STK32A: variants seen among roughly 807,000 people sequenced by gnomAD.
The protein encoded by STK32A is serine/threonine kinase 32A.
In STK32A, 41 loss-of-function variants were observed where a neutral mutation model predicts 53.2. That is an observed-to-expected ratio of 0.77 (90% CI 0.60 to 1.00). STK32A has a LOEUF of 1.00. Ranked by LOEUF, STK32A falls within the 50% of genes least tolerant of loss-of-function variation. The pLI is 0.00. For synonymous variants in STK32A, 166 were observed against 162.8 expected, an observed-to-expected ratio of 1.02 and a Z score of -0.15; for missense variants, 458 against 485.8, an observed-to-expected ratio of 0.94 and a Z score of 0.54.
At chr5:147,363,346 T>A (rs1756599213) in intron 8 of STK32A, among the ~76,000 whole-genome samples, 1 of 151,328 alleles carries the variant, frequency 6.6e-6, no homozygotes, top group Non-Finnish European at 1.5e-5. Context: ...GAGCAATCAC[T>A]CTCATGGCTG....
chr5:147,394,302 C>T, the STK32A span, among the ~76,000 whole-genome samples: 1 of 152,146 alleles, frequency 6.6e-6, no homozygotes, highest in Non-Finnish European at 1.5e-5. Context: ...TTCTTATGGC[C>T]CCGAAAACTA....
intron 11 of STK32A, among the ~76,000 whole-genome samples, chr5:147,380,991 C>T (rs1051266617): frequency 5.3e-5 from 8 of 152,150 alleles, no homozygotes; most frequent in South Asian, 2.1e-4. Context: ...TGTATTTACA[C>T]GTACCGAGAG....
chr5:147,286,339 G>T (rs1298671875), intron 4 of STK32A, among the ~76,000 whole-genome samples: 1 of 152,070 alleles, frequency 6.6e-6, no homozygotes, highest in African/African-American at 2.4e-5. Context: ...CTGCTCAGGT[G>T]ATGGGTGCAA....
intron 2 of STK32A, among the ~76,000 whole-genome samples, chr5:147,265,480 G>A (rs1312444400): frequency 1.3e-5 from 2 of 152,156 alleles, no homozygotes; most frequent in Non-Finnish European, 2.9e-5. Flanking sequence ...TTAGAAAGAT[G>A]AGAGAATGGA....
chr5:147,335,942 G>T (rs1755098478), intron 5 of STK32A, among the ~76,000 whole-genome samples: 1 of 152,194 alleles, frequency 6.6e-6, no homozygotes, highest in Admixed American at 6.5e-5. Flanking sequence ...CAATCAAAAT[G>T]ACCATTAGTA....
chr5:147,282,427 G>A (rs929360457), intron 4 of STK32A, among the ~76,000 whole-genome samples: 7 of 151,970 alleles, frequency 4.6e-5, no homozygotes, highest in Admixed American at 4.6e-4. Context: ...TGAATGCAAC[G>A]GTACCTCACA....
chr5:147,258,170 T>TTTTTTTTTTTTTTTTTTTTTGAGAC (rs1554099682), intron 2 of STK32A, among the ~76,000 whole-genome samples: 1 of 147,988 alleles, frequency 6.8e-6, no homozygotes, highest in African/African-American at 2.5e-5. Flanking sequence ...TTATAATTTT[T>TTTTTTTTTTTTTTTTTTTTTGAGAC]GTTAAAGAGC....
At chr5:147,382,544 A>G (rs1035413414) in intron 11 of STK32A, among the ~76,000 whole-genome samples, 4 of 152,070 alleles carry the variant, frequency 2.6e-5, no homozygotes, top group Admixed American at 2.0e-4. Context: ...ATAATGTGAT[A>G]AATCTAGGAA....
rs75239734 is a variant in STK32A at position 147,246,696 on chromosome 5, G to T, written c.52+7010G>T. On this transcript the variant is annotated intron_variant, in intron 2 of 12. Transcript: ENST00000397936. ...GTTTAATGGCAACAAATTTTTACATGTGAAATATTTGTAATGTGATTTATA... is the reference window on the plus strand; with the variant it reads ...GTTTAATGGCAACAAATTTTTACATTTGAAATATTTGTAATGTGATTTATA... Among the ~76,000 whole-genome samples the T allele has an allele frequency of 8.3e-3, 1,258 of 152,206 alleles. 4 individuals carry two copies. The highest frequency in any genetic ancestry group is 0.017 in the Middle Eastern group (5 of 294).
intron 7 of STK32A, among the ~76,000 whole-genome samples, chr5:147,355,278 T>G (rs970299932): frequency 1.3e-5 from 2 of 152,292 alleles, no homozygotes; most frequent in East Asian, 3.9e-4. Flanking sequence ...TTTTTACAAT[T>G]TATTGTCCTC....
Position 147,278,120 on chromosome 5 carries a change from A to G in STK32A, c.53-4A>G. 1.3e-6 allele frequency: 2 copies of G among 1,587,460 alleles called. No individual in the cohort carries two copies. Among genetic ancestry groups the G allele is most frequent in the South Asian group, 1.1e-5 (1 of 87,122 alleles). On this transcript the variant is annotated splice_polypyrimidine_tract_variant and splice_region_variant and intron_variant, in intron 2 of 12. Coordinates refer to ENST00000397936, the MANE Select transcript of STK32A (RefSeq NM_001112724.2). ...TCATGATATTCTTCTTTTTTGTTTT[A>G]CAGTCAACTTTGACCACTTTGAAAT...
intron 5 of STK32A, among the ~76,000 whole-genome samples, chr5:147,332,879 G>A (rs1048200239): frequency 3.9e-5 from 6 of 152,152 alleles, no homozygotes; most frequent in Non-Finnish European, 7.3e-5. Context: ...TTTCAAAAGG[G>A]CTTTGCAATT....
At chr5:147,265,104 TA>T (rs1754746043) in intron 2 of STK32A, among the ~76,000 whole-genome samples, 3 of 147,044 alleles carry the variant, frequency 2.0e-5, no homozygotes, top group Non-Finnish European at 4.5e-5. Context: ...TGTGTATATA[TA>T]TATATCTTAC....
At chr5:147,330,157 A>G (rs1406440207) in intron 5 of STK32A, among the ~76,000 whole-genome samples, 5 of 152,180 alleles carry the variant, frequency 3.3e-5, no homozygotes, top group Non-Finnish European at 7.3e-5. Context: ...CACAGCTGCC[A>G]TTAAGATGTC....
intron 2 of STK32A, among the ~76,000 whole-genome samples, chr5:147,254,065 AT>A (rs1322206292): frequency 1.3e-5 from 2 of 152,190 alleles, no homozygotes; most frequent in Admixed American, 6.5e-5. Flanking sequence ...ACTTTCTCAA[AT>A]CTGTGTCTGT....
intron 2 of STK32A, among the ~76,000 whole-genome samples, chr5:147,240,449 T>C (rs1753525086): frequency 6.6e-6 from 1 of 152,188 alleles, no homozygotes; most frequent in African/African-American, 2.4e-5. Flanking sequence ...GCTCTGCTAA[T>C]TGGAACAGGG....
At chr5:147,252,087 C>T (rs562188580) in intron 2 of STK32A, among the ~76,000 whole-genome samples, 17 of 151,910 alleles carry the variant, frequency 1.1e-4, no homozygotes, top group African/African-American at 2.7e-4. Context: ...ATCAAGGCTA[C>T]GGTGAGCTGT....
the STK32A span, among the ~76,000 whole-genome samples, chr5:147,394,517 G>A: frequency 6.6e-6 from 1 of 152,158 alleles, no homozygotes; most frequent in South Asian, 2.1e-4. Context: ...AGATAACTGA[G>A]GTTCTGAAAG....
At chr5:147,361,789 C>T (rs1370921705) in intron 8 of STK32A, among the ~76,000 whole-genome samples, 175 bp downstream of exon 8, 1 of 152,172 alleles carries the variant, frequency 6.6e-6, no homozygotes, top group Non-Finnish European at 1.5e-5. Flanking sequence ...ATTTGTCCCG[C>T]ATATGGGACC....
Sources: gnomAD v4.1 joint callset for allele counts (sites outside exome capture counted in the v4.1 genomes callset) on GRCh38, gnomAD v4.1.1 for gene constraint, MANE v1.5 for transcripts, NCBI Gene and HGNC (gene_info 2026-07-23, HGNC 2026-07-21) for gene names.